The following ESYT3 variants were observed in gnomAD, a reference collection of about 807,000 sequenced individuals.
ESYT3 encodes extended synaptotagmin 3.
ESYT3 carries 101 observed loss-of-function variants against 111.5 expected under a neutral mutation model. The ratio of observed to expected loss-of-function variants is 0.91; its 90% CI spans 0.77 to 1.07. The LOEUF is 1.07. Ranked by LOEUF, ESYT3 falls within the 50% of genes least tolerant of loss-of-function variation. The pLI is 0.00. For synonymous variants in ESYT3, 416 were observed against 446.8 expected (o/e 0.93, Z 0.87); for missense variants, 1,097 against 1,109.4 (o/e 0.99, Z 0.16).
chr3:138,448,474 AT>A (rs112150169), intron 1 of ESYT3, among the ~76,000 whole-genome samples: 3,999 of 149,102 alleles, frequency 0.027, 162 homozygotes, highest in African/African-American at 0.085. Context: ...AAAAGATGCA[AT>A]TTTTTTTTTA....
intron 18 of ESYT3, chr3:138,473,163 T>C (rs1026812247): frequency 3.1e-6 from 4 of 1,285,982 alleles, no homozygotes; most frequent in Non-Finnish European, 4.0e-6. Flanking sequence ...TGTAGAATTA[T>C]GTAATAAATG....
chr3:138,473,123 T>C, intron 18 of ESYT3: 3 of 1,379,330 alleles, frequency 2.2e-6, no homozygotes, highest in East Asian at 2.8e-5. Flanking sequence ...AACCATTGAG[T>C]TATACTGGGA....
rs537580222 is a variant in ESYT3 at position 138,436,849 on chromosome 3, T to G, written c.327+1724T>G. On this transcript the variant is annotated intron_variant, in intron 1 of 22. Transcript: ENST00000389567. Reference sequence around the variant, plus strand: ...CTTCACCAAGTAACATCCCTTCTTTTCTCCCCTTCTGTATCAGGGAAGCCT... The same window carrying G: ...CTTCACCAAGTAACATCCCTTCTTTGCTCCCCTTCTGTATCAGGGAAGCCT... Among the ~76,000 whole-genome samples the G allele has an allele frequency of 5.3e-5, 8 of 152,298 alleles. No homozygotes were observed. The South Asian group carries it at 1.7e-3, about 32-fold the overall frequency.
chr3:138,445,140 C>G (rs1335027516), intron 1 of ESYT3, among the ~76,000 whole-genome samples: 1 of 152,232 alleles, frequency 6.6e-6, no homozygotes, highest in African/African-American at 2.4e-5. Flanking sequence ...ACACAGAAGT[C>G]TGAGAATCGC....
At chr3:138,474,521 GC>G in intron 20 of ESYT3, 169 bp downstream of exon 20, 1 of 677,104 alleles carries the variant, frequency 1.5e-6, no homozygotes, top group Non-Finnish European at 2.2e-6. Context: ...AAAATGGAGT[GC>G]CAGAGAAGTT....
chr3:138,476,705 G>T, intron 22 of ESYT3, 113 bp from the exon 23 acceptor site: 1 of 1,188,632 alleles, frequency 8.4e-7, no homozygotes, highest in South Asian at 1.3e-5. Flanking sequence ...CTTACAGAGA[G>T]ACAGGTTCTG....
In ESYT3 at chr3:138,460,630, C is replaced by G; in HGVS notation, c.758C>G (p.Thr253Ser). The G allele has an allele frequency of 6.2e-7, 1 of 1,614,114 alleles. No homozygotes were observed. Among genetic ancestry groups the G allele is most frequent in the South Asian group, 1.1e-5 (1 of 91,080 alleles). Residue 253 changes from threonine to serine, a missense_variant, in exon 7 of 23, where the codon ACT becomes AGT. Coordinates refer to ENST00000389567, the MANE Select transcript of ESYT3 (RefSeq NM_031913.5). ...CTGAAGCACCTACAGATCAACTGGA[C>G]TGGCCTGACCAACCTGCTGGATGCG... is the stretch of plus-strand genomic sequence containing the variant. ...LQKPHLQINW[T>S]GLTNLLDAPG...
chr3:138,465,232 AG>A, intron 9 of ESYT3, 106 bp from the exon 10 acceptor site: 1 of 737,576 alleles, frequency 1.4e-6, no homozygotes, highest in South Asian at 1.8e-5. Flanking sequence ...TGAGGCACTG[AG>A]GGGGTCAGGA....
chr3:138,468,950 AC>A, intron 14 of ESYT3, 69 bp downstream of exon 14: 1 of 1,498,322 alleles, frequency 6.7e-7, no homozygotes, highest in Non-Finnish European at 9.3e-7. Context: ...AGTAACCACA[AC>A]CCCATGTCTT....
chr3:138,474,212 C>G lies in ESYT3; in HGVS notation c.2337-9C>G. 2 of 1,598,240 alleles carry G rather than the reference C, an allele frequency of 1.3e-6. No individual in the cohort carries two copies. The highest frequency in any genetic ancestry group is 1.7e-6 in the Non-Finnish European group (2 of 1,173,062). On this transcript the variant is annotated splice_polypyrimidine_tract_variant and intron_variant, in intron 19 of 22. Coordinates refer to ENST00000389567, the MANE Select transcript of ESYT3 (RefSeq NM_031913.5). The stretch of plus-strand genomic sequence containing the variant: ...TTTTTTTTTCCTAATGTCTTTGACA[C>G]CAAATCAGAAACCTAACACCATGTA...
chr3:138,467,473 C>G, intron 10 of ESYT3, 88 bp from the exon 11 acceptor site: 1 of 1,335,672 alleles, frequency 7.5e-7, no homozygotes, highest in South Asian at 1.2e-5. Flanking sequence ...ACTCAGATAT[C>G]TGAAAACAGA....
chr3:138,441,779 T>G (rs972895738), intron 1 of ESYT3, among the ~76,000 whole-genome samples: 2 of 152,102 alleles, frequency 1.3e-5, no homozygotes, highest in African/African-American at 4.8e-5. Context: ...GAAGAGGGAT[T>G]TAAGATGTTT....
rs1483062090 is a variant in ESYT3, at chr3:138,469,449, A to C, written c.1448A>C (p.Lys483Thr). 6.2e-7 allele frequency: 1 copy of C among 1,614,040 alleles called. No individual in the cohort carries two copies. Among genetic ancestry groups the C allele is most frequent in the Admixed American group, 1.7e-5 (1 of 60,012 alleles). The part of the protein sequence containing the change: ...LSRFARNKVS[K>T]DPSSYVKLSV... ...GATTCCTCACAGAACAAGGTCAGCA[A>C]AGACCCTTCTTCCTATGTCAAACTA... Residue 483 changes from lysine (K) to threonine (T), a missense_variant, in exon 15 of 23, where the codon AAA (lysine) becomes ACA (threonine). Physicochemically the swap from Lys to Thr is moderately conservative, Grantham distance 78. Transcript: ENST00000389567.
At chr3:138,471,905 A>G (rs2033238171) in intron 17 of ESYT3, among the ~76,000 whole-genome samples, 1 of 152,196 alleles carries the variant, frequency 6.6e-6, no homozygotes, top group South Asian at 2.1e-4. Flanking sequence ...ACCAGAGTAC[A>G]GGCTGTGGCA....
Position 138,449,722 on chromosome 3 carries a change from T to C in ESYT3, c.328-2326T>C, listed in dbSNP as rs185125670. ...ATGCTTGGGCTGGAAGGAGGACAGC[T>C]ACTGGTGAGGTCAGCAAGTTCCTCT... On this transcript the variant is annotated intron_variant, in intron 1 of 22. Transcript: ENST00000389567. Among the ~76,000 whole-genome samples, 446 of 152,298 alleles carry C rather than the reference T, an allele frequency of 2.9e-3. 1 individual carries two copies. Among genetic ancestry groups the C allele is most frequent in the African/African-American group, 9.6e-3 (397 of 41,562 alleles).
At chr3:138,464,245 T>G in intron 8 of ESYT3, 100 bp from the exon 9 acceptor site, 3 of 1,355,742 alleles carry the variant, frequency 2.2e-6, no homozygotes, top group Non-Finnish European at 3.0e-6. Context: ...GAGGGGGCAA[T>G]ATGGGGGCAG....
In ESYT3 at chr3:138,440,437, A is replaced by G. The variant is rs1396596035; in HGVS notation, c.327+5312A>G. 6.6e-6 allele frequency among the ~76,000 whole-genome samples: 1 copy of G among 152,186 alleles called. No individual in the cohort carries two copies. Among genetic ancestry groups the G allele is most frequent in the African/African-American group, 2.4e-5 (1 of 41,438 alleles). ...CTCAGGGTCTGTCCTGAGATACTTCAGTTAATTAGAGGAAGTAAATGCAGT... is the reference window on the plus strand; with the variant it reads ...CTCAGGGTCTGTCCTGAGATACTTCGGTTAATTAGAGGAAGTAAATGCAGT... On this transcript the variant is annotated intron_variant, in intron 1 of 22. Transcript: ENST00000389567. This position sits in a 1 kb window ranked among gnomAD's most constrained non-coding sequence, Gnocchi z 4.2.
intron 20 of ESYT3, 130 bp from the exon 21 acceptor site, chr3:138,476,093 C>T: frequency 1.6e-6 from 1 of 641,880 alleles, no homozygotes. Context: ...TAGTTATGAG[C>T]CAGTCCTGCT....
chr3:138,464,454 A>G lies in ESYT3; in HGVS notation c.1025A>G (p.Gln342Arg), dbSNP rs201784871. The G allele has an allele frequency of 1.5e-5, 24 of 1,614,032 alleles. No homozygotes were observed. The highest frequency in any genetic ancestry group is 1.5e-5 in the Non-Finnish European group (18 of 1,180,022). ...DPYAKVSIGL[Q>R]HFRSRTIYRN... is the part of the protein sequence containing the mutation. Reference sequence around the variant, plus strand: ...TACGCCAAGGTGAGCATCGGCCTACAGCATTTCCGGAGTAGGACCATCTAC... The same window carrying G: ...TACGCCAAGGTGAGCATCGGCCTACGGCATTTCCGGAGTAGGACCATCTAC... The change falls in exon 9 of 23, where the codon CAG becomes CGG. Residue 342 changes from glutamine (Q) to arginine (R), a missense_variant. By Grantham distance (43) the Gln-to-Arg change is conservative (BLOSUM62 1). Transcript: ENST00000389567.
Sources: gnomAD v4.1 joint callset for allele counts (sites outside exome capture counted in the v4.1 genomes callset) on GRCh38, gnomAD v4.1.1 for gene constraint, Gnocchi (gnomAD v3.1) non-coding constraint, MANE v1.5 for transcripts, NCBI Gene and HGNC (gene_info 2026-07-23, HGNC 2026-07-21) for gene names.